The following GSK3B variants were observed in gnomAD, a reference collection of about 807,000 sequenced individuals.
GSK3B encodes glycogen synthase kinase-3 beta.
Under a neutral mutation model 56.4 loss-of-function variants are expected in GSK3B, and 15 were observed. That is an observed-to-expected ratio of 0.27 (90% CI 0.18 to 0.41). The LOEUF is 0.41. Among genes scored for constraint, GSK3B ranks in the 10% least tolerant of loss-of-function variants. GSK3B has a pLI of 1.00. For synonymous variants in GSK3B, 181 were observed against 188.9 expected (o/e 0.96, Z 0.34); for missense variants, 300 against 513.4 (o/e 0.58, Z 4.02).
intron 1 of GSK3B, among the ~76,000 whole-genome samples, chr3:120,076,075 A>G (rs940035835): frequency 6.6e-6 from 1 of 152,228 alleles, no homozygotes; most frequent in Non-Finnish European, 1.5e-5. Context: ...ATCCAAACAT[A>G]GACCGTCAAC....
chr3:119,866,642 T>A, intron 8 of GSK3B: 1 of 1,577,546 alleles, frequency 6.3e-7, no homozygotes, highest in Non-Finnish European at 8.7e-7. Context: ...AAGATGATAA[T>A]GCAGTGAAAT....
At chr3:119,832,356 T>C (rs146635505) in intron 10 of GSK3B, among the ~76,000 whole-genome samples, 2 of 152,380 alleles carry the variant, frequency 1.3e-5, no homozygotes, top group African/African-American at 4.8e-5. Context: ...GTTTTGACTA[T>C]GTCATGAGAC....
At chr3:120,062,885 T>C (rs1313119963) in intron 1 of GSK3B, among the ~76,000 whole-genome samples, 1 of 152,202 alleles carries the variant, frequency 6.6e-6, no homozygotes, top group East Asian at 1.9e-4. Flanking sequence ...GAGGAATATA[T>C]ACCCTACTTT....
intron 7 of GSK3B, among the ~76,000 whole-genome samples, chr3:119,890,179 T>C (rs1224627934): frequency 6.6e-6 from 1 of 152,042 alleles, no homozygotes; most frequent in Non-Finnish European, 1.5e-5. Context: ...AAAACACCTG[T>C]AAACAAACAT....
intron 2 of GSK3B, among the ~76,000 whole-genome samples, chr3:119,961,531 G>A (rs2057271353): frequency 6.6e-6 from 1 of 151,648 alleles, no homozygotes; most frequent in South Asian, 2.1e-4. Context: ...GGGAGGCTGA[G>A]GCACAAGAAT....
At chr3:119,972,937 C>T (rs555861943) in intron 2 of GSK3B, among the ~76,000 whole-genome samples, 1 of 152,152 alleles carries the variant, frequency 6.6e-6, no homozygotes, top group African/African-American at 2.4e-5. Context: ...AATAGTTTTC[C>T]TAGGCTTCCA....
chr3:119,910,228 T>C (rs573848657), intron 6 of GSK3B, among the ~76,000 whole-genome samples: 5 of 152,192 alleles, frequency 3.3e-5, no homozygotes, highest in African/African-American at 4.8e-5. Flanking sequence ...GGAAGAAAAA[T>C]AGAATAGTAG....
intron 4 of GSK3B, among the ~76,000 whole-genome samples, chr3:119,919,847 GACACAC>G (rs150749634): frequency 1.3e-5 from 2 of 148,480 alleles, no homozygotes; most frequent in African/African-American, 4.9e-5. Flanking sequence ...TAAAGAAGGT[GACACAC>G]ACACACACAC....
chr3:119,876,149 A>G (rs1329765774), intron 8 of GSK3B, among the ~76,000 whole-genome samples: 2 of 152,150 alleles, frequency 1.3e-5, no homozygotes, highest in African/African-American at 4.8e-5. Context: ...TCCTACTCCT[A>G]AATCAAATTC....
chr3:120,041,992 T>G (rs976119440), intron 1 of GSK3B, among the ~76,000 whole-genome samples: 4 of 152,162 alleles, frequency 2.6e-5, no homozygotes, highest in Non-Finnish European at 5.9e-5. Context: ...TTGGAAAGAT[T>G]TTAGGCTGAA....
intron 8 of GSK3B, chr3:119,866,607 A>T: frequency 1.4e-5 from 22 of 1,605,002 alleles, no homozygotes; most frequent in Non-Finnish European, 1.8e-5. Context: ...CCTGAGGTGA[A>T]ATGTCCTGTT....
intron 1 of GSK3B, among the ~76,000 whole-genome samples, chr3:120,020,579 C>A (rs1167577987): frequency 6.6e-6 from 1 of 152,126 alleles, no homozygotes; most frequent in East Asian, 1.9e-4. Context: ...GCCCTGACTG[C>A]TCCACCAATC....
intron 3 of GSK3B, among the ~76,000 whole-genome samples, chr3:119,930,410 A>T (rs2056934594): frequency 6.8e-6 from 1 of 147,088 alleles, no homozygotes; most frequent in Admixed American, 6.8e-5. Context: ...ATTCTAGTTT[A>T]AAAAAAAAAA....
At chr3:119,984,395 T>TCA (rs1300640920) in intron 2 of GSK3B, among the ~76,000 whole-genome samples, 32 of 142,074 alleles carry the variant, frequency 2.3e-4, no homozygotes, top group Admixed American at 1.2e-3. Context: ...AGAAAAACCT[T>TCA]AAAAAAAAAA....
chr3:119,890,805 A>C (rs1483976215), intron 7 of GSK3B, among the ~76,000 whole-genome samples: 2 of 151,982 alleles, frequency 1.3e-5, no homozygotes, highest in East Asian at 3.9e-4. Flanking sequence ...ATGCAAACAG[A>C]AGTTTAACCT....
chr3:119,927,459 T>C (rs2056899192), intron 3 of GSK3B, among the ~76,000 whole-genome samples: 1 of 152,054 alleles, frequency 6.6e-6, no homozygotes, highest in Non-Finnish European at 1.5e-5. Context: ...TACCGGCTAG[T>C]TGAACATGAG....
At chr3:120,024,680 G>T (rs2057908697) in intron 1 of GSK3B, among the ~76,000 whole-genome samples, 1 of 152,132 alleles carries the variant, frequency 6.6e-6, no homozygotes, top group Non-Finnish European at 1.5e-5. Context: ...AATAACTGAA[G>T]TAAGAGGTAC....
At chr3:119,880,598 T>C (rs1193769159) in intron 7 of GSK3B, among the ~76,000 whole-genome samples, 2 of 152,180 alleles carry the variant, frequency 1.3e-5, no homozygotes, top group African/African-American at 4.8e-5. Flanking sequence ...TATTCACTGA[T>C]ATAAATCAAA....
chr3:119,928,977 T>A (rs75476506), intron 3 of GSK3B, among the ~76,000 whole-genome samples: 3,939 of 152,256 alleles, frequency 0.026, 173 homozygotes, highest in African/African-American at 0.089. Flanking sequence ...CCTTAAAAAA[T>A]TAGTTATCTT....
Sources: allele counts gnomAD v4.1 joint callset (sites outside exome capture counted in the v4.1 genomes callset), GRCh38; gene constraint gnomAD v4.1.1; transcripts MANE v1.5; gene names NCBI Gene and HGNC (gene_info 2026-07-23, HGNC 2026-07-21).